The following CR1 variants were observed in gnomAD, a reference collection of about 807,000 sequenced individuals.
CR1 encodes the protein complement receptor type 1.
A neutral mutation model predicts 187.3 loss-of-function variants in CR1; 116 were observed. The observed-to-expected ratio is 0.62, with a 90% CI of 0.53 to 0.72. CR1 has a LOEUF of 0.72. CR1 is among the 30% of genes least tolerant of loss of function. The pLI is 0.00. For missense variants in CR1, 1,731 were observed against 2,110.7 expected (o/e 0.82, Z 3.52); for synonymous variants, 576 against 747.1 (o/e 0.77, Z 3.73).
In CR1 at chr1:207,510,724, C is replaced by CCCTTCCTTCCTTCCTACCTTCCTTCCTT. The variant is rs1238983933; in HGVS notation, c.402-830_402-829insACCTTCCTTCCTTCCTTCCTTCCTTCCT. Among the ~76,000 whole-genome samples, 365 of 89,974 alleles carry CCCTTCCTTCCTTCCTACCTTCCTTCCTT rather than the reference C, an allele frequency of 4.1e-3. 3 individuals carry two copies. The highest frequency in any genetic ancestry group is 0.014 in the African/African-American group (347 of 24,120). 59.0% of individuals were successfully genotyped at this position (89,974 alleles called of 152,430 possible). The stretch of plus-strand genomic sequence containing the variant: ...TTTCCTTTGGTTCTAGTTATGTATC[C>CCCTTCCTTCCTTCCTACCTTCCTTCCTT]CCTTCCTTCCTTCCTTCCTTCTTTC... On this transcript the variant is annotated intron_variant, in intron 3 of 46. Transcript: ENST00000367049.
chr1:207,624,799 A>G (rs1376782373), intron 45 of CR1, among the ~76,000 whole-genome samples: 2 of 152,190 alleles, frequency 1.3e-5, no homozygotes, highest in Admixed American at 1.3e-4. Flanking sequence ...CTCATTAAGT[A>G]CCATATAATT....
intron 35 of CR1, among the ~76,000 whole-genome samples, chr1:207,606,755 T>C (rs1334492487): frequency 6.6e-6 from 1 of 152,190 alleles, no homozygotes; most frequent in Non-Finnish European, 1.5e-5. Flanking sequence ...TAGGGGTGTT[T>C]AGCTGTCTCT....
At chr1:207,632,617 C>G (rs2102416564) in intron 46 of CR1, among the ~76,000 whole-genome samples, 1 of 152,094 alleles carries the variant, frequency 6.6e-6, no homozygotes, top group Non-Finnish European at 1.5e-5. Context: ...GAAACCCCTT[C>G]TCTACTAAAT....
chr1:207,580,490 T>G, intron 30 of CR1, 21 bp from the exon 31 acceptor site: 1 of 1,588,060 alleles, frequency 6.3e-7, no homozygotes, highest in Non-Finnish European at 8.5e-7. Flanking sequence ...TTTTTTCTTT[T>G]TTTTTTTTTT....
chr1:207,508,692 T>C (rs1256961224), intron 3 of CR1, among the ~76,000 whole-genome samples: 1 of 152,190 alleles, frequency 6.6e-6, no homozygotes, highest in East Asian at 1.9e-4. Flanking sequence ...ATTCCCTGCA[T>C]GTGAATCTGA....
chr1:207,597,581 T>A (rs934391185), intron 35 of CR1, among the ~76,000 whole-genome samples: 3 of 152,162 alleles, frequency 2.0e-5, no homozygotes, highest in East Asian at 3.8e-4. Context: ...ATAATATTTT[T>A]AAAAAATAGG....
At chr1:207,515,170 G>A (rs939389606) in intron 4 of CR1, among the ~76,000 whole-genome samples, 1 of 11,540 alleles carries the variant, frequency 8.7e-5, no homozygotes, top group African/African-American at 1.7e-4. Flanking sequence ...TACATATATA[G>A]GTATATACAT....
intron 35 of CR1, among the ~76,000 whole-genome samples, chr1:207,602,885 A>T (rs1661644572): frequency 6.6e-6 from 1 of 152,160 alleles, no homozygotes; most frequent in Non-Finnish European, 1.5e-5. Flanking sequence ...TATAAGGAGG[A>T]AAAATACCAT....
chr1:207,597,347 C>T (rs594955), intron 35 of CR1, among the ~76,000 whole-genome samples: 51,334 of 151,804 alleles, frequency 0.34, 11,532 homozygotes, highest in African/African-American at 0.63. Context: ...TACAGTAGCA[C>T]CAAAAAGAAT....
chr1:207,496,298 C>G lies in CR1; in HGVS notation c.31C>G (p.Pro11Ala), dbSNP rs781322624. The change falls in exon 1 of 47, where the codon CCT becomes GCT. Residue 11 changes from proline (P) to alanine (A), a missense_variant. Around this residue, in one of 5 missense-constraint regions of CR1, gnomAD observed 237 missense variants for 240.4 expected, o/e 0.99. Transcript: ENST00000367049. MGASSPRSPE[P>A]VGPPAPGLPF... ...GGCCTCTTCTCCAAGAAGCCCGGAGCCTGTCGGGCCGCCGGCGCCCGGTCT... is the reference window on the plus strand; with the variant it reads ...GGCCTCTTCTCCAAGAAGCCCGGAGGCTGTCGGGCCGCCGGCGCCCGGTCT... The G allele has an allele frequency of 2.2e-5, 35 of 1,613,658 alleles. 1 individual carries two copies. The Middle Eastern group carries it at 1.2e-3, about 54-fold the overall frequency.
intron 35 of CR1, among the ~76,000 whole-genome samples, chr1:207,595,523 C>G (rs901650637): frequency 6.6e-6 from 1 of 152,060 alleles, no homozygotes. Flanking sequence ...CACCAAGCTT[C>G]CGTTCTGTAA....
chr1:207,517,191 G>A (rs1266541855), intron 4 of CR1, among the ~76,000 whole-genome samples: 3 of 151,954 alleles, frequency 2.0e-5, no homozygotes, highest in Non-Finnish European at 4.4e-5. Context: ...TACATTGATT[G>A]ATGTTTAAAA....
intron 3 of CR1, chr1:207,507,477 T>C (rs1462492325): frequency 2.0e-5 from 3 of 152,292 alleles, no homozygotes; most frequent in Non-Finnish European, 2.9e-5. Context: ...TGTCTGTGTA[T>C]GGCTGTGTCG....
chr1:207,593,646 A>G (rs746045332), intron 35 of CR1, among the ~76,000 whole-genome samples: 1 of 152,276 alleles, frequency 6.6e-6, no homozygotes, highest in Non-Finnish European at 1.5e-5. Flanking sequence ...GCACAGCAAG[A>G]GAAACTATCA....
At chr1:207,503,751 G>A (rs1659344479) in intron 1 of CR1, among the ~76,000 whole-genome samples, 1 of 152,190 alleles carries the variant, frequency 6.6e-6, no homozygotes, top group Non-Finnish European at 1.5e-5. Context: ...TCAGGGATCA[G>A]AACATGGATA....
intron 46 of CR1, among the ~76,000 whole-genome samples, chr1:207,633,182 T>C (rs1256420132): frequency 6.6e-6 from 1 of 152,162 alleles, no homozygotes; most frequent in African/African-American, 2.4e-5. Flanking sequence ...ACCAAGATGC[T>C]CTCCCAAACA....
chr1:207,623,661 T>TTTACAGAAAGAGAAAGTAGGC (rs1290656092), intron 45 of CR1, among the ~76,000 whole-genome samples: 2 of 150,638 alleles, frequency 1.3e-5, no homozygotes, highest in African/African-American at 2.5e-5. Flanking sequence ...GGAATTGAGT[T>TTTACAGAAAGAGAAAGTAGGC]TTACAGAAAG....
intron 41 of CR1, among the ~76,000 whole-genome samples, chr1:207,617,606 TATATATAGAG>T (rs1374744462): frequency 5.0e-4 from 9 of 18,112 alleles, no homozygotes; most frequent in Non-Finnish European, 8.0e-4. Flanking sequence ...TATATATATA[TATATATAGAG>T]AGAGAGAGAG....
chr1:207,623,979 G>A (rs1662405161), intron 45 of CR1, among the ~76,000 whole-genome samples: 1 of 133,526 alleles, frequency 7.5e-6, no homozygotes, highest in African/African-American at 2.8e-5. Flanking sequence ...AGGCTGGAGT[G>A]CAGTGGCACG....
Sources: allele counts gnomAD v4.1 joint callset (sites outside exome capture counted in the v4.1 genomes callset), GRCh38; gene constraint gnomAD v4.1.1; regional missense constraint gnomAD v4.1.1; transcripts MANE v1.5; gene names NCBI Gene and HGNC (gene_info 2026-07-23, HGNC 2026-07-21).